Variants in NAV2 observed in about 807,000 individuals in gnomAD.
NAV2 encodes helicase, APC down-regulated 1.
In NAV2, 54 loss-of-function variants were observed where a neutral mutation model predicts 223.2. That is an observed-to-expected ratio of 0.24 (90% CI 0.19 to 0.30). NAV2 has a LOEUF of 0.30. Ranked by LOEUF, NAV2 falls within the 10% of genes least tolerant of loss-of-function variation. NAV2 has a pLI of 1.00. For synonymous variants in NAV2, 1,279 were observed against 1,239.3 expected, an observed-to-expected ratio of 1.03 and a Z score of -0.67; for missense variants, 2,806 against 3,147.5, an observed-to-expected ratio of 0.89 and a Z score of 2.60.
chr11:19,810,338 A>G (rs1391201403), intron 1 of NAV2, among the ~76,000 whole-genome samples: 1 of 140,074 alleles, frequency 7.1e-6, no homozygotes, highest in Non-Finnish European at 1.5e-5. Flanking sequence ...GGCTTATTTT[A>G]AATTCTTCCT....
At chr11:19,409,649 G>C (rs535745715) in intron 1 of NAV2, among the ~76,000 whole-genome samples, 1 of 152,172 alleles carries the variant, frequency 6.6e-6, no homozygotes. Flanking sequence ...TATCCACAGA[G>C]CTCCCGTGAT....
chr11:19,967,211 G>A (rs1591463883), intron 10 of NAV2, among the ~76,000 whole-genome samples: 2 of 152,060 alleles, frequency 1.3e-5, no homozygotes, highest in Admixed American at 6.6e-5. Context: ...TGGTGCTGCC[G>A]CCTGTTGCAC....
At chr11:19,941,164 C>T (rs1353358843) in intron 8 of NAV2, among the ~76,000 whole-genome samples, 1 of 152,144 alleles carries the variant, frequency 6.6e-6, no homozygotes, top group Non-Finnish European at 1.5e-5. Flanking sequence ...ACTTAGATTT[C>T]AGAGTGACAG....
At chr11:19,953,712 A>G (rs1370054861) in intron 10 of NAV2, among the ~76,000 whole-genome samples, 2 of 152,230 alleles carry the variant, frequency 1.3e-5, no homozygotes, top group Non-Finnish European at 2.9e-5. Context: ...AGGAAAGAGT[A>G]TGTTCTTAAA....
chr11:19,863,972 A>G (rs1284283154), intron 3 of NAV2, among the ~76,000 whole-genome samples: 1 of 152,210 alleles, frequency 6.6e-6, no homozygotes, highest in Non-Finnish European at 1.5e-5. Context: ...AGGGTCCCAC[A>G]CACTTCTGGG....
intron 19 of NAV2, among the ~76,000 whole-genome samples, chr11:20,059,890 C>A (rs1281935706): frequency 6.6e-6 from 1 of 152,248 alleles, no homozygotes; most frequent in East Asian, 1.9e-4. Context: ...CCACATTGCA[C>A]AACCTAGGCT....
chr11:20,023,205 C>G (rs867972848), intron 11 of NAV2: 6 of 1,349,402 alleles, frequency 4.4e-6, no homozygotes, highest in Non-Finnish European at 6.0e-6. Flanking sequence ...CTTCCTTGGC[C>G]GGTATTGAAA....
intron 19 of NAV2, among the ~76,000 whole-genome samples, chr11:20,057,792 CAGAT>C (rs2058458553): frequency 6.6e-6 from 1 of 152,228 alleles, no homozygotes; most frequent in African/African-American, 2.4e-5. Flanking sequence ...GTATCGTCAT[CAGAT>C]AGCTTTTATT....
At chr11:19,469,433 T>C (rs1206850877) in intron 1 of NAV2, among the ~76,000 whole-genome samples, 2 of 152,228 alleles carry the variant, frequency 1.3e-5, no homozygotes, top group African/African-American at 2.4e-5. Context: ...CCTGCACAAC[T>C]GGGTGGGAAA....
intron 11 of NAV2, among the ~76,000 whole-genome samples, chr11:20,024,616 G>C (rs1455998467): frequency 6.6e-6 from 1 of 152,234 alleles, no homozygotes; most frequent in Non-Finnish European, 1.5e-5. Context: ...CTTGACCTGA[G>C]GTCCCTTCGC....
chr11:19,627,812 C>T (rs1388718178), intron 1 of NAV2, among the ~76,000 whole-genome samples: 2 of 151,428 alleles, frequency 1.3e-5, no homozygotes, highest in Non-Finnish European at 2.9e-5. Flanking sequence ...AGAATATTGG[C>T]TCCAGAGACA....
At chr11:19,887,402 C>T (rs1445480670) in intron 5 of NAV2, among the ~76,000 whole-genome samples, 1 of 152,018 alleles carries the variant, frequency 6.6e-6, no homozygotes, top group Non-Finnish European at 1.5e-5. Context: ...ATATGAGGTG[C>T]AGTTAAACCT....
chr11:19,618,261 G>A (rs2046859192), intron 1 of NAV2, among the ~76,000 whole-genome samples: 2 of 151,762 alleles, frequency 1.3e-5, no homozygotes, highest in Admixed American at 1.3e-4. Context: ...TGGCTGGCTG[G>A]GTGGCTGGAT....
chr11:19,886,227 C>T (rs1170205725), intron 5 of NAV2, among the ~76,000 whole-genome samples: 1 of 152,138 alleles, frequency 6.6e-6, no homozygotes, highest in African/African-American at 2.4e-5. Flanking sequence ...ATCCTCCCGC[C>T]TTGGCCTCCC....
At chr11:19,586,203 T>A (rs1774207048) in intron 1 of NAV2, among the ~76,000 whole-genome samples, 1 of 152,250 alleles carries the variant, frequency 6.6e-6, no homozygotes, top group Non-Finnish European at 1.5e-5. Flanking sequence ...CGTCGCATAG[T>A]TCTTGTGCCA....
At chr11:19,598,905 G>C (rs1235562035) in intron 1 of NAV2, among the ~76,000 whole-genome samples, 1 of 152,136 alleles carries the variant, frequency 6.6e-6, no homozygotes, top group Non-Finnish European at 1.5e-5. Context: ...TGTGCATTTG[G>C]TGATCCTTGT....
At chr11:19,705,318 G>A (rs905928271) in intron 1 of NAV2, among the ~76,000 whole-genome samples, 3 of 152,188 alleles carry the variant, frequency 2.0e-5, no homozygotes, top group African/African-American at 7.2e-5. Context: ...TTGGACTGGA[G>A]AATCCAGACG....
chr11:19,426,348 A>G (rs1850826693), intron 1 of NAV2, among the ~76,000 whole-genome samples: 1 of 152,136 alleles, frequency 6.6e-6, no homozygotes, highest in African/African-American at 2.4e-5. Context: ...AGGGCATTTA[A>G]TGGCTTTCTT....
Position 20,045,637 on chromosome 11 carries a change from A to C in NAV2, c.3869A>C (p.Lys1290Thr). The change falls in exon 14 of 38, where the codon AAG (lysine) becomes ACG (threonine). Residue 1290 changes from lysine (K) to threonine (T), a missense_variant. Around this residue, in one of 4 missense-constraint regions of NAV2, gnomAD observed 742 missense variants for 777.9 expected, o/e 0.95. Transcript: ENST00000349880. ...PAQTSLQPGA[K>T]YPDVASPTLR... ...CAGACCAGTCTCCAGCCTGGAGCCA[A>C]GTACCCAGATGTGGCCTCTCCCACA... The C allele has an allele frequency of 6.2e-7, 1 of 1,614,148 alleles. No homozygotes were observed. The highest frequency in any genetic ancestry group is 8.5e-7 in the Non-Finnish European group (1 of 1,180,006).
Sources: gnomAD v4.1 joint callset for allele counts (sites outside exome capture counted in the v4.1 genomes callset) on GRCh38, gnomAD v4.1.1 for gene constraint, gnomAD v4.1.1 regional missense constraint, MANE v1.5 for transcripts, NCBI Gene and HGNC (gene_info 2026-07-23, HGNC 2026-07-21) for gene names.